GRB10: variants seen among roughly 807,000 people sequenced by gnomAD.
GRB10 encodes the protein growth factor receptor bound protein 10.
In GRB10, 20 loss-of-function variants were observed where a neutral mutation model predicts 80.9. The ratio of observed to expected loss-of-function variants is 0.25; its 90% CI spans 0.17 to 0.36. The LOEUF is 0.36. Ranked by LOEUF, GRB10 falls within the 10% of genes least tolerant of loss-of-function variation. The pLI, the probability that GRB10 is intolerant of heterozygous loss-of-function variation, is 1.00. For missense variants in GRB10, 548 were observed against 747.7 expected (o/e 0.73, Z 3.12); for synonymous variants, 291 against 291.5 (o/e 1.00, Z 0.02).
At chr7:50,743,298 G>T (rs780842963) in intron 3 of GRB10, among the ~76,000 whole-genome samples, 4 of 152,170 alleles carry the variant, frequency 2.6e-5, no homozygotes, top group Non-Finnish European at 4.4e-5. Context: ...GACTTGTGTG[G>T]CATATTCTAT....
At chr7:50,674,136 T>C (rs558338717) in intron 6 of GRB10, among the ~76,000 whole-genome samples, 5 of 152,264 alleles carry the variant, frequency 3.3e-5, no homozygotes, top group African/African-American at 1.2e-4. Flanking sequence ...TTCCAATCTT[T>C]CCAGAGATTT....
chr7:50,763,623 C>G lies in GRB10; in HGVS notation c.-216-7567G>C, dbSNP rs565588484. Among the ~76,000 whole-genome samples the G allele has an allele frequency of 1.8e-4, 28 of 152,316 alleles. No individual in the cohort carries two copies. The South Asian group carries it at 5.8e-3, about 32-fold the overall frequency. ...TGGAAGCAACCTAAATGTGGCTGCC[C>G]AAATCCCTCCTCTCCCCCAGTTCAT... On this transcript the variant is annotated intron_variant, in intron 2 of 18. Transcript: ENST00000401949.
rs750748236 is a variant in GRB10, at chr7:50,686,190, G to C, written c.140-11532C>G. ...CCTTTGGGAGGTGATTGGGTCATTGGGGTAGAACCCAAATGATGGAATTCG... is the reference window on the plus strand; with the variant it reads ...CCTTTGGGAGGTGATTGGGTCATTGCGGTAGAACCCAAATGATGGAATTCG... On this transcript the variant is annotated intron_variant, in intron 5 of 18. Coordinates refer to ENST00000401949, the MANE Select transcript of GRB10 (RefSeq NM_001350814.2). Among the ~76,000 whole-genome samples the C allele has an allele frequency of 2.5e-4, 38 of 152,216 alleles. 1 individual carries two copies. Among genetic ancestry groups the C allele is most frequent in the Middle Eastern group, 6.8e-3 (2 of 294 alleles).
intron 5 of GRB10, among the ~76,000 whole-genome samples, chr7:50,691,526 T>C (rs1478166092): frequency 2.0e-5 from 3 of 152,226 alleles, no homozygotes; most frequent in Non-Finnish European, 4.4e-5. Flanking sequence ...AACCTACTAC[T>C]ATAGCTGGAG....
In GRB10 at chr7:50,674,544, T is replaced by G; in HGVS notation, c.254A>C (p.His85Pro). The part of the protein sequence containing the change: ...DTVPLLQNGQ[H>P]ARSQPRASGP... ...TGAAGCCCGAGGCTGGCTGCGGGCA[T>G]GCTGGCCATTCTGCAGGAGGGGCAC... The change falls in exon 6 of 19, where the codon CAT becomes CCT. Residue 85 changes from histidine to proline, a missense_variant. Physicochemically the swap from His to Pro is moderately conservative, Grantham distance 77. Coordinates refer to ENST00000401949, the MANE Select transcript of GRB10 (RefSeq NM_001350814.2). 1 of 1,611,952 alleles carries G rather than the reference T, an allele frequency of 6.2e-7. No homozygotes were observed. Among genetic ancestry groups the G allele is most frequent in the East Asian group, 2.2e-5 (1 of 44,878 alleles).
chr7:50,695,771 TAAATA>T (rs2063351244), intron 5 of GRB10, among the ~76,000 whole-genome samples: 1 of 152,192 alleles, frequency 6.6e-6, no homozygotes. Flanking sequence ...ATTGTATTTT[TAAATA>T]AAATGAAAAA....
At chr7:50,776,685 T>C (rs1412608444) in intron 2 of GRB10, among the ~76,000 whole-genome samples, 5 of 152,204 alleles carry the variant, frequency 3.3e-5, no homozygotes, top group Non-Finnish European at 7.3e-5. Flanking sequence ...CCCAAAGCCC[T>C]AGAGTATGGG....
intron 7 of GRB10, among the ~76,000 whole-genome samples, chr7:50,631,151 CCA>C (rs1482671646): frequency 1.3e-5 from 2 of 152,150 alleles, no homozygotes; most frequent in Admixed American, 6.5e-5. Context: ...TTGCTTCCTG[CCA>C]CAGTCTTAGA....
chr7:50,791,591 C>T (rs962176899), intron 1 of GRB10, among the ~76,000 whole-genome samples: 1 of 152,186 alleles, frequency 6.6e-6, no homozygotes, highest in African/African-American at 2.4e-5. Flanking sequence ...GGATTAAAAG[C>T]AACAAGGCTT....
chr7:50,649,769 T>G (rs533888410), intron 7 of GRB10, among the ~76,000 whole-genome samples: 2 of 152,216 alleles, frequency 1.3e-5, no homozygotes, highest in East Asian at 3.9e-4. Context: ...GTTGACTGGA[T>G]TTGTACCTGA....
intron 4 of GRB10, among the ~76,000 whole-genome samples, chr7:50,708,750 A>G (rs2065412982): frequency 1.4e-5 from 2 of 140,512 alleles, no homozygotes; most frequent in Non-Finnish European, 3.0e-5. Context: ...ATCTCGGCTC[A>G]CTGCAATCTC....
chr7:50,790,152 G>C (rs1016592059), intron 1 of GRB10, among the ~76,000 whole-genome samples: 2 of 152,174 alleles, frequency 1.3e-5, no homozygotes, highest in Non-Finnish European at 2.9e-5. Flanking sequence ...AACAGATACA[G>C]CTCCCTAAAA....
chr7:50,729,944 A>T (rs2069359521), intron 4 of GRB10, among the ~76,000 whole-genome samples: 2 of 152,082 alleles, frequency 1.3e-5, no homozygotes, highest in Admixed American at 6.6e-5. Flanking sequence ...TCTATCAAAG[A>T]ATTAAAGATC....
At chr7:50,601,949 T>C (rs886351623) in intron 17 of GRB10, among the ~76,000 whole-genome samples, 3 of 152,134 alleles carry the variant, frequency 2.0e-5, no homozygotes, top group Admixed American at 6.5e-5. Flanking sequence ...AGGAAGCAAC[T>C]TGAAGGAACC....
intron 4 of GRB10, among the ~76,000 whole-genome samples, chr7:50,706,915 A>C (rs188204168): frequency 6.6e-6 from 1 of 152,298 alleles, no homozygotes; most frequent in East Asian, 1.9e-4. Flanking sequence ...TGGCCTCCCA[A>C]CCCTCTGTTA....
At chr7:50,635,968 T>C (rs1260086981) in intron 7 of GRB10, among the ~76,000 whole-genome samples, 1 of 92,164 alleles carries the variant, frequency 1.1e-5, no homozygotes, top group African/African-American at 5.5e-5. Flanking sequence ...TTTCCTTTTT[T>C]TTTTTTTTTT....
chr7:50,641,120 C>T (rs1404051067), intron 7 of GRB10, among the ~76,000 whole-genome samples: 1 of 149,850 alleles, frequency 6.7e-6, no homozygotes, highest in African/African-American at 2.5e-5. Flanking sequence ...CTCCTAAGCT[C>T]CTGGACAGAG....
intron 7 of GRB10, among the ~76,000 whole-genome samples, chr7:50,651,181 T>C (rs141324416): frequency 8.0e-4 from 122 of 152,344 alleles, no homozygotes; most frequent in African/African-American, 2.8e-3. Flanking sequence ...GTATGTGTAT[T>C]AGTTTGCCAT....
At chr7:50,757,608 G>C (rs528654743) in intron 2 of GRB10, among the ~76,000 whole-genome samples, 22 of 152,242 alleles carry the variant, frequency 1.4e-4, no homozygotes, top group Non-Finnish European at 3.1e-4. Flanking sequence ...TTGGAAGTTT[G>C]GAAAGTATCA....
Sources: allele counts gnomAD v4.1 joint callset (sites outside exome capture counted in the v4.1 genomes callset), GRCh38; gene constraint gnomAD v4.1.1; transcripts MANE v1.5; gene names NCBI Gene and HGNC (gene_info 2026-07-23, HGNC 2026-07-21).